EXOC6: variants seen among roughly 807,000 people sequenced by gnomAD.
The protein encoded by EXOC6 is SEC15-like 1.
EXOC6 carries 60 observed loss-of-function variants against 112.5 expected under a neutral mutation model. That is an observed-to-expected ratio of 0.53 (90% confidence interval 0.43 to 0.66). The LOEUF (loss-of-function observed/expected upper bound fraction) is 0.66, where lower values mean the gene tolerates loss of function less well. Among genes scored for constraint, EXOC6 ranks in the 30% least tolerant of loss-of-function variants. The pLI, the probability that EXOC6 is intolerant of heterozygous loss-of-function variation, is 0.00. For missense variants in EXOC6, 855 were observed against 957.1 expected, an observed-to-expected ratio of 0.89 and a Z score of 1.41; for synonymous variants, 295 against 308.0, an observed-to-expected ratio of 0.96 and a Z score of 0.44.
intron 18 of EXOC6, among the ~76,000 whole-genome samples, chr10:92,982,188 CTA>C (rs1038538744): frequency 2.5e-4 from 38 of 152,100 alleles, no homozygotes; most frequent in African/African-American, 9.2e-4. Flanking sequence ...ATATGGTTCT[CTA>C]TGTGGTAATT....
At chr10:93,029,165 A>G (rs1200083240) in intron 20 of EXOC6, among the ~76,000 whole-genome samples, 2 of 152,212 alleles carry the variant, frequency 1.3e-5, no homozygotes, top group Non-Finnish European at 2.9e-5. Flanking sequence ...AATGATCATT[A>G]GCATTTTTTT....
intron 18 of EXOC6, among the ~76,000 whole-genome samples, chr10:92,980,624 T>G (rs1344595108): frequency 6.6e-6 from 1 of 152,216 alleles, no homozygotes; most frequent in Non-Finnish European, 1.5e-5. Context: ...AAGGCATATT[T>G]GAATCATTAT....
At chr10:92,908,905 T>A (rs80030592) in intron 5 of EXOC6, among the ~76,000 whole-genome samples, 6 of 151,986 alleles carry the variant, frequency 3.9e-5, no homozygotes, top group African/African-American at 1.5e-4. Flanking sequence ...TTTTTACCTG[T>A]TTTTTGTGTG....
chr10:93,057,855 T>G (rs1193230595), intron 21 of EXOC6, among the ~76,000 whole-genome samples: 1 of 152,180 alleles, frequency 6.6e-6, no homozygotes, highest in Non-Finnish European at 1.5e-5. Context: ...ATTTTACATT[T>G]TCTAATGTTA....
chr10:92,996,493 TGTAGTCCCAGCTACTTGGGAG>T (rs1843496385), intron 18 of EXOC6, among the ~76,000 whole-genome samples: 1 of 152,002 alleles, frequency 6.6e-6, no homozygotes, highest in African/African-American at 2.4e-5. Flanking sequence ...GGTGGGCACC[TGTAGTCCCAGCTACTTGGGAG>T]GCTGAGGCAG....
At chr10:92,934,660 A>C (rs1852250803) in intron 11 of EXOC6, among the ~76,000 whole-genome samples, 1 of 152,144 alleles carries the variant, frequency 6.6e-6, no homozygotes, top group African/African-American at 2.4e-5. Context: ...GAAAATGAAG[A>C]ATTAAGCAGG....
At chr10:92,910,619 A>G (rs754331072) in intron 6 of EXOC6, among the ~76,000 whole-genome samples, 18 of 152,148 alleles carry the variant, frequency 1.2e-4, no homozygotes, top group Admixed American at 1.1e-3. Context: ...AAAATAAACT[A>G]TAAATAGAAA....
chr10:92,977,691 A>G (rs1025285137), intron 18 of EXOC6, among the ~76,000 whole-genome samples: 3 of 151,466 alleles, frequency 2.0e-5, no homozygotes, highest in Non-Finnish European at 4.4e-5. Context: ...ACACACACAC[A>G]CATACACACA....
At chr10:92,902,467 G>T (rs1445387450) in intron 5 of EXOC6, among the ~76,000 whole-genome samples, 1 of 151,602 alleles carries the variant, frequency 6.6e-6, no homozygotes, top group Non-Finnish European at 1.5e-5. Context: ...AGGTGGTGCT[G>T]ATTTTTAAAA....
At chr10:92,862,528 C>G (rs1355165822) in intron 1 of EXOC6, among the ~76,000 whole-genome samples, 2 of 152,136 alleles carry the variant, frequency 1.3e-5, no homozygotes, top group African/African-American at 4.8e-5. Context: ...AAGGCACCAT[C>G]TATGAACCAG....
chr10:93,027,810 A>T (rs1271112356), intron 20 of EXOC6, among the ~76,000 whole-genome samples: 4 of 152,250 alleles, frequency 2.6e-5, no homozygotes, highest in African/African-American at 9.6e-5. Flanking sequence ...TGTACAAGGA[A>T]ATAAATGTTT....
chr10:92,879,032 C>T (rs1452134592), intron 1 of EXOC6, among the ~76,000 whole-genome samples: 1 of 152,088 alleles, frequency 6.6e-6, no homozygotes, highest in Non-Finnish European at 1.5e-5. Flanking sequence ...AAATTTTCTG[C>T]AGTTTAGTAA....
chr10:92,988,800 TACACACACAC>T (rs67242778), intron 18 of EXOC6, among the ~76,000 whole-genome samples: 37,801 of 142,972 alleles, frequency 0.26, 4,817 homozygotes, highest in Middle Eastern at 0.34. Flanking sequence ...CTACAAAAAA[TACACACACAC>T]ACACACACAC....
At chr10:93,024,728 A>T (rs1844947089) in intron 20 of EXOC6, among the ~76,000 whole-genome samples, 1 of 152,106 alleles carries the variant, frequency 6.6e-6, no homozygotes, top group Non-Finnish European at 1.5e-5. Context: ...TTTTATTAGA[A>T]TTTTAAAGAT....
chr10:92,948,424 C>A lies in EXOC6; in HGVS notation c.1416+45C>A, dbSNP rs201011974. ...TCAAGGATTTTCTTAAAAATAAATT[C>A]ATAGTATTTGTTACTACATAATATT... is the stretch of plus-strand genomic sequence containing the variant. On this transcript the variant is annotated intron_variant, in intron 14 of 21. Transcript: ENST00000260762. 621 of 1,180,834 alleles carry A rather than the reference C, an allele frequency of 5.3e-4. 3 individuals are homozygous for A. In the African/African-American group the frequency reaches 8.9e-3, roughly 17 times the overall value. 73.1% of individuals were successfully genotyped at this position (1,180,834 alleles called of 1,614,324 possible). A position where few individuals can be genotyped will look rare whatever the true frequency, so the allele number is the denominator to read the frequency against.
chr10:93,016,974 A>G (rs915277971), intron 20 of EXOC6, among the ~76,000 whole-genome samples: 3 of 148,206 alleles, frequency 2.0e-5, no homozygotes, highest in African/African-American at 7.6e-5. Flanking sequence ...CACCAAGCCC[A>G]GCTAATTTTT....
chr10:92,972,680 A>G (rs1377459017), intron 17 of EXOC6, among the ~76,000 whole-genome samples: 1 of 152,178 alleles, frequency 6.6e-6, no homozygotes, highest in East Asian at 1.9e-4. Context: ...AGCATGGTTT[A>G]CACCCTGTTT....
chr10:93,031,808 C>T (rs779416676), intron 20 of EXOC6, among the ~76,000 whole-genome samples: 41 of 152,108 alleles, frequency 2.7e-4, no homozygotes, highest in Non-Finnish European at 4.7e-4. Context: ...CCACCGTGCC[C>T]GCCCCCATGC....
In EXOC6 at chr10:93,001,089, G is replaced by A. The variant is rs74149193; in HGVS notation, c.2095+3474G>A. Among the ~76,000 whole-genome samples the A allele has an allele frequency of 7.7e-4, 117 of 152,314 alleles. 1 individual carries two copies. The highest frequency in any genetic ancestry group is 2.6e-3 in the African/African-American group (107 of 41,572). ...GCATATTAGAGCAGGGAAAGGAGAA[G>A]AAAGGGAGGCAAGAAGAAAAATCTG... On this transcript the variant is annotated intron_variant, in intron 19 of 21. Coordinates refer to ENST00000260762, the MANE Select transcript of EXOC6 (RefSeq NM_019053.6).
Sources: gnomAD v4.1 joint callset for allele counts (sites outside exome capture counted in the v4.1 genomes callset) on GRCh38, gnomAD v4.1.1 for gene constraint, MANE v1.5 for transcripts, NCBI Gene and HGNC (gene_info 2026-07-23, HGNC 2026-07-21) for gene names.